The following CPED1 variants were observed in gnomAD, a reference collection of about 807,000 sequenced individuals.
The protein encoded by CPED1 is cadherin-like and PC-esterase domain-containing protein 1.
Under a neutral mutation model 128.2 loss-of-function variants are expected in CPED1, and 114 were observed. That is an observed-to-expected ratio of 0.89 (90% CI 0.76 to 1.04). The LOEUF (loss-of-function observed/expected upper bound fraction) is 1.04. CPED1 is among the 50% of genes least tolerant of loss of function. The pLI is 0.00. For synonymous variants in CPED1, 462 were observed against 426.7 expected, an observed-to-expected ratio of 1.08 and a Z score of -1.02; for missense variants, 1,211 against 1,207.1, an observed-to-expected ratio of 1.00 and a Z score of -0.05.
In CPED1 at chr7:120,995,135, A is replaced by G. The variant is rs550496669; in HGVS notation, c.249+5265A>G. 3.3e-5 allele frequency among the ~76,000 whole-genome samples: 5 copies of G among 152,240 alleles called. No individual in the cohort carries two copies. The South Asian group carries it at 1.0e-3, about 32-fold the overall frequency. Reference sequence around the variant, plus strand: ...AATATGATATGCTCCCTGTCTCTCTACTTCCCTTCAGAGAAACTGTAACTG... The same window carrying G: ...AATATGATATGCTCCCTGTCTCTCTGCTTCCCTTCAGAGAAACTGTAACTG... On this transcript the variant is annotated intron_variant, in intron 2 of 22. Transcript: ENST00000310396.
At chr7:121,093,801 G>A (rs1490380253) in intron 5 of CPED1, among the ~76,000 whole-genome samples, 1 of 152,034 alleles carries the variant, frequency 6.6e-6, no homozygotes, top group Non-Finnish European at 1.5e-5. Context: ...GCTAAGAGTG[G>A]TAAAAGCTTC....
At chr7:120,998,097 G>A (rs1796441083) in intron 2 of CPED1, among the ~76,000 whole-genome samples, 2 of 151,944 alleles carry the variant, frequency 1.3e-5, no homozygotes, top group South Asian at 2.1e-4. Context: ...CAAAGATTGC[G>A]GCAAACCCCC....
intron 16 of CPED1, among the ~76,000 whole-genome samples, chr7:121,232,529 T>G (rs1798161546): frequency 6.6e-6 from 1 of 152,026 alleles, no homozygotes; most frequent in African/African-American, 2.4e-5. Context: ...TTGGGGAAAA[T>G]ACATCATAAG....
intron 16 of CPED1, among the ~76,000 whole-genome samples, chr7:121,147,647 T>C (rs943736122): frequency 3.9e-5 from 6 of 152,120 alleles, no homozygotes; most frequent in African/African-American, 1.2e-4. Flanking sequence ...TGGTATCATA[T>C]ACATTTTGCC....
intron 22 of CPED1, among the ~76,000 whole-genome samples, chr7:121,273,888 A>C (rs1332982179): frequency 6.6e-6 from 1 of 152,162 alleles, no homozygotes; most frequent in East Asian, 1.9e-4. Context: ...GAAAGAAGCA[A>C]AGATCTTGCA....
chr7:121,035,917 C>T (rs182242865), intron 3 of CPED1, among the ~76,000 whole-genome samples: 60 of 150,846 alleles, frequency 4.0e-4, no homozygotes, highest in African/African-American at 1.0e-3. Context: ...CAAATTTGTA[C>T]GTTTTCAGCA....
At position 121,116,977 on chromosome 7, in the gene CPED1, T is replaced by C. The variant is rs202008866; in HGVS notation, c.919-7354T>C. Among the ~76,000 whole-genome samples the C allele has an allele frequency of 8.9e-3, 1,086 of 121,646 alleles. 15 individuals are homozygous for C. Among genetic ancestry groups the C allele is most frequent in the African/African-American group, 0.037 (1,020 of 27,562 alleles). The allele number at this position is 121,646 out of a possible 152,430, so 79.8% of individuals were successfully genotyped here. A position where few individuals can be genotyped will look rare whatever the true frequency, so the allele number is the denominator to read the frequency against. On this transcript the variant is annotated intron_variant, in intron 7 of 22. Coordinates refer to ENST00000310396, the MANE Select transcript of CPED1 (RefSeq NM_024913.5). ...CTCTCTCTCTCTATATATATATATA[T>C]ACACACACACACACATATATATACA...
chr7:121,087,239 T>G (rs1794447228), intron 5 of CPED1, among the ~76,000 whole-genome samples: 1 of 152,202 alleles, frequency 6.6e-6, no homozygotes, highest in South Asian at 2.1e-4. Context: ...CACAATAAAT[T>G]TTTTGCCAAA....
chr7:121,065,809 CT>C (rs771196622), intron 5 of CPED1, among the ~76,000 whole-genome samples: 11 of 152,014 alleles, frequency 7.2e-5, no homozygotes, highest in Non-Finnish European at 1.2e-4. Flanking sequence ...TTTCTACATT[CT>C]GTTTAGTGCA....
At chr7:121,256,129 C>CAAAAAAAAAAAAA (rs201393067) in intron 18 of CPED1, among the ~76,000 whole-genome samples, 1 of 101,264 alleles carries the variant, frequency 9.9e-6, no homozygotes. Context: ...AAAAACAAAA[C>CAAAAAAAAAAAAA]AAAAAAAAAA....
At chr7:121,205,976 C>T (rs1797507866) in intron 16 of CPED1, among the ~76,000 whole-genome samples, 1 of 152,000 alleles carries the variant, frequency 6.6e-6, no homozygotes, top group South Asian at 2.1e-4. Flanking sequence ...GGGAAGCCTC[C>T]ACTAGACAGC....
At chr7:121,058,737 C>T (rs903212196) in intron 4 of CPED1, among the ~76,000 whole-genome samples, 3 of 152,158 alleles carry the variant, frequency 2.0e-5, no homozygotes, top group African/African-American at 7.2e-5. Context: ...AACACAGATT[C>T]TAAATGATAC....
chr7:121,177,637 T>C (rs893777761), intron 16 of CPED1, among the ~76,000 whole-genome samples: 8 of 152,090 alleles, frequency 5.3e-5, no homozygotes, highest in Non-Finnish European at 1.0e-4. Flanking sequence ...CATATAACAG[T>C]GCAACGGCTA....
chr7:120,997,405 C>T (rs1253742119), intron 2 of CPED1, among the ~76,000 whole-genome samples: 1 of 152,144 alleles, frequency 6.6e-6, no homozygotes, highest in Non-Finnish European at 1.5e-5. Context: ...TGGACTGAGA[C>T]CTATGTCCTT....
chr7:121,173,701 A>C (rs1796708293), intron 16 of CPED1, among the ~76,000 whole-genome samples: 1 of 152,112 alleles, frequency 6.6e-6, no homozygotes, highest in South Asian at 2.1e-4. Flanking sequence ...ATTCACATGC[A>C]CGTGTCTTTA....
chr7:121,148,584 G>T (rs1796079766), intron 16 of CPED1, among the ~76,000 whole-genome samples: 1 of 152,132 alleles, frequency 6.6e-6, no homozygotes, highest in African/African-American at 2.4e-5. Flanking sequence ...GAGGAAGAAA[G>T]AGAACAACTA....
chr7:121,212,466 A>C (rs1351248363), intron 16 of CPED1, among the ~76,000 whole-genome samples: 1 of 152,024 alleles, frequency 6.6e-6, no homozygotes, highest in Non-Finnish European at 1.5e-5. Flanking sequence ...TCAGCCTCCT[A>C]TCCTCCTGGT....
Position 121,171,061 on chromosome 7 carries a change from T to TA in CPED1, c.2055+28931dup, listed in dbSNP as rs58392760. On this transcript the variant is annotated intron_variant, in intron 16 of 22. Coordinates refer to ENST00000310396, the MANE Select transcript of CPED1 (RefSeq NM_024913.5). The stretch of plus-strand genomic sequence containing the variant: ...CAAGACTCTGTCTCAAATAAATACA[T>TA]AAAAAAAAAAATAAGAAAATTCAAA... Among the ~76,000 whole-genome samples the TA allele has an allele frequency of 8.8e-4, 130 of 148,382 alleles. 1 individual carries two copies. The Middle Eastern group carries it at 0.014, about 16-fold the overall frequency.
At chr7:121,089,083 A>G (rs968107530) in intron 5 of CPED1, among the ~76,000 whole-genome samples, 5 of 152,164 alleles carry the variant, frequency 3.3e-5, no homozygotes, top group African/African-American at 7.2e-5. Context: ...CCAAACCTGA[A>G]CCCCTCAGGT....
Sources: allele counts gnomAD v4.1 joint callset (sites outside exome capture counted in the v4.1 genomes callset), GRCh38; gene constraint gnomAD v4.1.1; transcripts MANE v1.5; gene names NCBI Gene and HGNC (gene_info 2026-07-23, HGNC 2026-07-21).